PRDM16: variants seen among roughly 807,000 people sequenced by gnomAD.
The protein encoded by PRDM16 is PR/SET domain 16.
In PRDM16, 23 loss-of-function variants were observed where a neutral mutation model predicts 110.6. The ratio of observed to expected loss-of-function variants is 0.21; its 90% confidence interval spans 0.15 to 0.29. The LOEUF is 0.29. PRDM16 is among the 10% of genes least tolerant of loss of function. The pLI, the probability that PRDM16 is intolerant of heterozygous loss-of-function variation, is 1.00. For missense variants in PRDM16, 1,615 were observed against 1,794.3 expected (o/e 0.90, Z 1.81); for synonymous variants, 799 against 781.8 (o/e 1.02, Z -0.37).
chr1:3,148,703 G>T lies in PRDM16; in HGVS notation c.38-37422G>T, dbSNP rs1474766322. On this transcript the variant is annotated intron_variant, in intron 1 of 16. Transcript: ENST00000270722. The surrounding 1 kb of genome is among the most constrained non-coding windows in gnomAD (Gnocchi z 5.0). ...AAGTCCAGTTTGTGTCAGAGCAGCGGCCCAAAGCCAAAGGGTGGTGAATCT... is the reference window on the plus strand; with the variant it reads ...AAGTCCAGTTTGTGTCAGAGCAGCGTCCCAAAGCCAAAGGGTGGTGAATCT... Among the ~76,000 whole-genome samples, 1 of 152,204 alleles carries T rather than the reference G, an allele frequency of 6.6e-6. No individual in the cohort carries two copies. The highest frequency in any genetic ancestry group is 1.5e-5 in the Non-Finnish European group (1 of 68,036).
Position 3,354,593 on chromosome 1 carries a change from A to G in PRDM16, c.439-30559A>G, listed in dbSNP as rs573154327. 4.6e-5 allele frequency among the ~76,000 whole-genome samples: 7 copies of G among 152,266 alleles called. No individual in the cohort carries two copies. In the South Asian group the frequency reaches 1.2e-3, roughly 27 times the overall value. The stretch of plus-strand genomic sequence containing the variant: ...AGGTGGACAAGGTCACAGAGGGGCC[A>G]TGGGAGCTCAGAACCACCTTCTCCA... On this transcript the variant is annotated intron_variant, in intron 3 of 16. Transcript: ENST00000270722.
At chr1:3,336,363 G>A (rs1642149039) in intron 3 of PRDM16, among the ~76,000 whole-genome samples, 1 of 151,874 alleles carries the variant, frequency 6.6e-6, no homozygotes, top group Admixed American at 6.6e-5. Flanking sequence ...TGCATGTGGA[G>A]GGGTGTGTGT....
At chr1:3,252,074 G>C (rs375657551) in intron 3 of PRDM16, among the ~76,000 whole-genome samples, 1 of 152,206 alleles carries the variant, frequency 6.6e-6, no homozygotes, top group East Asian at 1.9e-4. Context: ...CAGTGTAAAA[G>C]AGGGCAACTC....
At chr1:3,169,057 A>T (rs1643994578) in intron 1 of PRDM16, among the ~76,000 whole-genome samples, 1 of 152,110 alleles carries the variant, frequency 6.6e-6, no homozygotes, top group South Asian at 2.1e-4. Flanking sequence ...GGACGTCCTG[A>T]GACCCTGTGC....
intron 3 of PRDM16, among the ~76,000 whole-genome samples, chr1:3,322,987 G>A (rs1193483069): frequency 1.3e-5 from 2 of 152,210 alleles, no homozygotes; most frequent in South Asian, 4.1e-4. Flanking sequence ...CCAGCAGGTC[G>A]ATGTGGGTCC....
Position 3,316,228 on chromosome 1 carries a change from C to G in PRDM16, c.439-68924C>G, listed in dbSNP as rs553065617. ...CGGAGCTCTGGAAAGTCTTCCCCAT[C>G]CTTCTCTCCCGAGTCACTTACCAGG... On this transcript the variant is annotated intron_variant, in intron 3 of 16. Coordinates refer to ENST00000270722, the MANE Select transcript of PRDM16 (RefSeq NM_022114.4). 3.3e-3 allele frequency among the ~76,000 whole-genome samples: 466 copies of G among 142,042 alleles called. 2 individuals are homozygous for G. Among genetic ancestry groups the G allele is most frequent in the African/African-American group, 0.012 (436 of 37,528 alleles). The allele number at this position is 142,042 out of a possible 152,430, so 93.2% of individuals were successfully genotyped here. A position where few individuals can be genotyped will look rare whatever the true frequency, so the allele number is the denominator to read the frequency against.
chr1:3,427,331 A>G (rs1053937708), intron 14 of PRDM16, among the ~76,000 whole-genome samples: 2 of 152,180 alleles, frequency 1.3e-5, no homozygotes, highest in African/African-American at 4.8e-5. Flanking sequence ...TGATCCCCTG[A>G]TTCTACAGAA....
At chr1:3,253,601 T>G (rs1639987952) in intron 3 of PRDM16, among the ~76,000 whole-genome samples, 1 of 152,106 alleles carries the variant, frequency 6.6e-6, no homozygotes, top group Non-Finnish European at 1.5e-5. Flanking sequence ...CTTAATCCAG[T>G]CTATCATTGT....
intron 1 of PRDM16, among the ~76,000 whole-genome samples, chr1:3,182,423 T>C (rs1222291895): frequency 6.6e-6 from 1 of 152,194 alleles, no homozygotes; most frequent in Non-Finnish European, 1.5e-5. Flanking sequence ...GTGGTCCTGA[T>C]CTGTGGCCTC....
intron 3 of PRDM16, among the ~76,000 whole-genome samples, chr1:3,348,351 G>T (rs567600835): frequency 7.2e-5 from 11 of 152,334 alleles, no homozygotes; most frequent in African/African-American, 2.4e-4. Flanking sequence ...GCCTGGCCAG[G>T]TCACTCGTTA....
At position 3,420,987 on chromosome 1, in the gene PRDM16, G is replaced by A. The variant is rs1486980181; in HGVS notation, c.2939+2243G>A. ...AGGGCTGCTGACTCCCTAGTCTGCC[G>A]TGTGCTTCCATCATCTCCCCAGGCT... On this transcript the variant is annotated intron_variant, in intron 12 of 16. Coordinates refer to ENST00000270722, the MANE Select transcript of PRDM16 (RefSeq NM_022114.4). Among the ~76,000 whole-genome samples the A allele has an allele frequency of 7.9e-5, 12 of 152,158 alleles. No homozygotes were observed. In the South Asian group the frequency reaches 1.2e-3, roughly 16 times the overall value.
chr1:3,372,458 C>T (rs1642923212), intron 3 of PRDM16, among the ~76,000 whole-genome samples: 1 of 152,216 alleles, frequency 6.6e-6, no homozygotes, highest in Non-Finnish European at 1.5e-5. Flanking sequence ...ATGAATGTGA[C>T]ACTTCCCAGG....
intron 2 of PRDM16, chr1:3,207,721 G>A (rs912669009): frequency 1.3e-5 from 2 of 152,238 alleles, no homozygotes; most frequent in Admixed American, 6.5e-5. Flanking sequence ...AATGAGGCAG[G>A]ATTCTCCTCT....
rs547522939 is a variant in PRDM16 at position 3,325,016 on chromosome 1, G to T, written c.439-60136G>T. ...GGTCACCTGGTAGCGCACAGTTTCT[G>T]GCCCCTACATGTGGCCTCTGAACTC... On this transcript the variant is annotated intron_variant, in intron 3 of 16. Coordinates refer to ENST00000270722, the MANE Select transcript of PRDM16 (RefSeq NM_022114.4). Among the ~76,000 whole-genome samples the T allele has an allele frequency of 3.3e-5, 5 of 152,284 alleles. No homozygotes were observed. In the South Asian group the frequency reaches 1.0e-3, roughly 32 times the overall value.
chr1:3,383,795 T>C (rs1260545728), intron 3 of PRDM16, among the ~76,000 whole-genome samples: 4 of 151,786 alleles, frequency 2.6e-5, no homozygotes, highest in Non-Finnish European at 5.9e-5. Flanking sequence ...GACTCCCTTA[T>C]CCATCACCCC....
intron 10 of PRDM16, among the ~76,000 whole-genome samples, chr1:3,416,048 G>C (rs375774828): frequency 6.6e-6 from 1 of 152,224 alleles, no homozygotes; most frequent in East Asian, 1.9e-4. Context: ...TGCCTCGCAG[G>C]GGCGGGAGAA....
At chr1:3,179,585 CA>C (rs1183222824) in intron 1 of PRDM16, among the ~76,000 whole-genome samples, 1 of 152,234 alleles carries the variant, frequency 6.6e-6, no homozygotes, top group African/African-American at 2.4e-5. Context: ...GCAGATCCAT[CA>C]GGCAGCATGA....
At chr1:3,107,239 CCTGTTGGTCTTGGGGGACCAGT>C (rs1642679433) in intron 1 of PRDM16, among the ~76,000 whole-genome samples, 2 of 152,238 alleles carry the variant, frequency 1.3e-5, no homozygotes, top group Non-Finnish European at 2.9e-5. Context: ...ATGTCCCCAC[CCTGTTGGTCTTGGGGGACCAGT>C]CTGGTGGATT....
At chr1:3,129,453 C>T (rs1187097980) in intron 1 of PRDM16, among the ~76,000 whole-genome samples, 2 of 151,022 alleles carry the variant, frequency 1.3e-5, no homozygotes. Flanking sequence ...GTGCATGTGT[C>T]TGTGTGTGCA....
Sources: gnomAD v4.1 joint callset for allele counts (sites outside exome capture counted in the v4.1 genomes callset) on GRCh38, gnomAD v4.1.1 for gene constraint, Gnocchi (gnomAD v3.1) non-coding constraint, MANE v1.5 for transcripts, NCBI Gene and HGNC (gene_info 2026-07-23, HGNC 2026-07-21) for gene names.